Variants in MARK1 observed in about 807,000 individuals in gnomAD.
The protein encoded by MARK1 is microtubule affinity regulating kinase 1.
MARK1 carries 40 observed loss-of-function variants against 96.3 expected under a neutral mutation model. That is an observed-to-expected ratio of 0.42 (90% CI 0.32 to 0.54). The LOEUF is 0.54. Ranked by LOEUF, MARK1 falls within the 20% of genes least tolerant of loss-of-function variation. The probability of loss-of-function intolerance (pLI) is 0.16; values close to 1 mark genes in which losing one functional copy is unlikely to be tolerated. For synonymous variants in MARK1, 317 were observed against 341.2 expected, an observed-to-expected ratio of 0.93 and a Z score of 0.78; for missense variants, 719 against 984.6, an observed-to-expected ratio of 0.73 and a Z score of 3.61.
chr1:220,615,260 A>T (rs1666673995), intron 6 of MARK1, among the ~76,000 whole-genome samples: 1 of 152,072 alleles, frequency 6.6e-6, no homozygotes, highest in Non-Finnish European at 1.5e-5. Context: ...GCCCTGTGTG[A>T]TAGTTAAAAA....
At chr1:220,656,456 A>G (rs1486478441) in intron 16 of MARK1, among the ~76,000 whole-genome samples, 1 of 152,186 alleles carries the variant, frequency 6.6e-6, no homozygotes, top group African/African-American at 2.4e-5. Context: ...TAGGACAGAA[A>G]AGTCCAGTGA....
intron 1 of MARK1, among the ~76,000 whole-genome samples, chr1:220,536,388 T>C (rs150782664): frequency 2.2e-4 from 34 of 152,000 alleles, no homozygotes; most frequent in African/African-American, 7.5e-4. Context: ...GTGTTATTTA[T>C]ATTAGTTGTG....
chr1:220,641,649 C>A (rs1225292038), intron 13 of MARK1, among the ~76,000 whole-genome samples: 1 of 129,644 alleles, frequency 7.7e-6, no homozygotes, highest in Non-Finnish European at 1.7e-5. Context: ...AGAAACAATG[C>A]CTGTCTGCAT....
At chr1:220,540,672 C>T (rs1476675269) in intron 1 of MARK1, among the ~76,000 whole-genome samples, 1 of 152,102 alleles carries the variant, frequency 6.6e-6, no homozygotes, top group African/African-American at 2.4e-5. Flanking sequence ...ATTTCTGTGG[C>T]ATCAGTTGTA....
At chr1:220,595,831 G>C (rs574109765) in intron 3 of MARK1, among the ~76,000 whole-genome samples, 2 of 152,278 alleles carry the variant, frequency 1.3e-5, no homozygotes, top group African/African-American at 4.8e-5. Context: ...AATATGGATG[G>C]GTAGACGTTG....
intron 3 of MARK1, among the ~76,000 whole-genome samples, chr1:220,582,467 G>C (rs189759378): frequency 6.6e-6 from 1 of 152,282 alleles, no homozygotes; most frequent in Non-Finnish European, 1.5e-5. Flanking sequence ...CTACCCCTGT[G>C]CTGGGAACCC....
intron 13 of MARK1, among the ~76,000 whole-genome samples, chr1:220,644,691 C>A (rs1013595346): frequency 3.9e-5 from 6 of 152,120 alleles, no homozygotes; most frequent in African/African-American, 1.4e-4. Flanking sequence ...GTAAAACACT[C>A]CTCAGCAAAG....
chr1:220,533,007 T>TC (rs1218218944), intron 1 of MARK1, among the ~76,000 whole-genome samples: 7 of 54,260 alleles, frequency 1.3e-4, no homozygotes, highest in Admixed American at 1.2e-3. Context: ...GTGAACCCTT[T>TC]TTTTTAAAAA....
intron 13 of MARK1, among the ~76,000 whole-genome samples, chr1:220,645,840 G>T (rs932890599): frequency 6.6e-6 from 1 of 152,130 alleles, no homozygotes; most frequent in Admixed American, 6.5e-5. Flanking sequence ...AAAAGCCTTC[G>T]ATAAAATTCA....
At chr1:220,613,076 T>A (rs1294420992) in intron 6 of MARK1, among the ~76,000 whole-genome samples, 1 of 152,204 alleles carries the variant, frequency 6.6e-6, no homozygotes, top group South Asian at 2.1e-4. Context: ...CAGTAAATCA[T>A]GTTTTCAGGA....
At chr1:220,592,219 CATATTATATTATATTATATTATATT>C (rs66795891) in intron 3 of MARK1, among the ~76,000 whole-genome samples, 2 of 136,524 alleles carry the variant, frequency 1.5e-5, no homozygotes, top group Admixed American at 7.6e-5. Flanking sequence ...ATGATTATAT[CATATTATATTATATTATATTATATT>C]ATATTATATT....
At chr1:220,599,664 G>T in intron 4 of MARK1, 134 bp from the exon 5 acceptor site, 1 of 456,074 alleles carries the variant, frequency 2.2e-6, no homozygotes, top group Non-Finnish European at 3.8e-6. Flanking sequence ...GAGACTTTTT[G>T]AACTTAAAAT....
At chr1:220,630,484 A>G (rs1667627672) in intron 9 of MARK1, among the ~76,000 whole-genome samples, 1 of 151,954 alleles carries the variant, frequency 6.6e-6, no homozygotes, top group Admixed American at 6.6e-5. Flanking sequence ...ATTCACATCA[A>G]CCCCAGCTTG....
At chr1:220,660,734 G>A (rs1572252338) in intron 17 of MARK1, among the ~76,000 whole-genome samples, 6 of 152,124 alleles carry the variant, frequency 3.9e-5, no homozygotes, top group Admixed American at 3.9e-4. Context: ...ATTACTTGGG[G>A]GATGCCTGCA....
At chr1:220,612,953 T>G (rs1666535449) in intron 6 of MARK1, among the ~76,000 whole-genome samples, 1 of 152,176 alleles carries the variant, frequency 6.6e-6, no homozygotes, top group Non-Finnish European at 1.5e-5. Flanking sequence ...GATTCAATTC[T>G]TGCAATATCA....
chr1:220,604,249 G>T, intron 6 of MARK1, 112 bp downstream of exon 6: 1 of 540,034 alleles, frequency 1.9e-6, no homozygotes, highest in Non-Finnish European at 3.2e-6. Flanking sequence ...AAGAATTCCT[G>T]CTTTCTTATA....
At chr1:220,565,175 T>G (rs1432284976) in intron 1 of MARK1, among the ~76,000 whole-genome samples, 1 of 152,102 alleles carries the variant, frequency 6.6e-6, no homozygotes, top group Non-Finnish European at 1.5e-5. Flanking sequence ...TAGGGGAAAA[T>G]AAGTATATTT....
chr1:220,545,400 A>G lies in MARK1; in HGVS notation c.51+16527A>G, dbSNP rs114425037. 8.5e-3 allele frequency among the ~76,000 whole-genome samples: 1,275 copies of G among 149,210 alleles called. 16 individuals are homozygous for G. Among genetic ancestry groups the G allele is most frequent in the African/African-American group, 0.029 (1,165 of 40,546 alleles). On this transcript the variant is annotated intron_variant, in intron 1 of 17. Coordinates refer to ENST00000366917, the MANE Select transcript of MARK1 (RefSeq NM_018650.5). ...TTCTGTGTGCCTGCATGCTTTAGAA[A>G]CACTCTAGTTTTTAAATTCAGTGGG...
At chr1:220,633,493 T>C (rs1484612186) in intron 11 of MARK1, among the ~76,000 whole-genome samples, 1 of 152,220 alleles carries the variant, frequency 6.6e-6, no homozygotes, top group Non-Finnish European at 1.5e-5. Flanking sequence ...GAAACGATGC[T>C]GTGTACTGTG....
Sources: gnomAD v4.1 joint callset for allele counts (sites outside exome capture counted in the v4.1 genomes callset) on GRCh38, gnomAD v4.1.1 for gene constraint, MANE v1.5 for transcripts, NCBI Gene and HGNC (gene_info 2026-07-23, HGNC 2026-07-21) for gene names.